ZNF708: variants seen among roughly 807,000 people sequenced by gnomAD.
ZNF708 encodes ZNF15, ZNF15L1.
A neutral mutation model predicts 47.0 loss-of-function variants in ZNF708; 44 were observed. The observed-to-expected ratio is 0.94, with a 90% CI of 0.74 to 1.20. The LOEUF (loss-of-function observed/expected upper bound fraction) is 1.20. ZNF708 is among the 50% of genes most tolerant of loss of function. ZNF708 has a pLI of 0.00. For synonymous variants in ZNF708, 184 were observed against 218.5 expected (o/e 0.84, Z 1.39); for missense variants, 557 against 656.0 (o/e 0.85, Z 1.65).
rs1288669411 is a variant in ZNF708 at position 21,291,204 on chromosome 19, AT to A, written c.*2069del. On this transcript the variant is annotated 3_prime_UTR_variant, in exon 4 of 4. Transcript: ENST00000356929. ...TGCATTTTATTACATAAAAGTACAA[AT>A]AGTAAAATAACGTACTAATTTTTTA... 1.6e-5 allele frequency: 1 copy of A among 61,064 alleles called. No individual in the cohort carries two copies. Among genetic ancestry groups the A allele is most frequent in the Non-Finnish European group, 3.7e-5 (1 of 27,264 alleles). The allele number at this position is 61,064 out of a possible 1,614,324, so 3.8% of individuals were successfully genotyped here.
At chr19:21,324,104 C>T (rs1463137920) in intron 1 of ZNF708, among the ~76,000 whole-genome samples, 2 of 149,596 alleles carry the variant, frequency 1.3e-5, no homozygotes, top group African/African-American at 2.5e-5. Flanking sequence ...ATTAGTCGGG[C>T]GTGGTGGCGG....
intron 3 of ZNF708, among the ~76,000 whole-genome samples, chr19:21,303,837 T>G (rs1972706197): frequency 6.6e-6 from 1 of 151,794 alleles, no homozygotes; most frequent in Non-Finnish European, 1.5e-5. Context: ...AATAATAAAA[T>G]AGGTCAATTT....
At chr19:21,304,910 T>C (rs1401427737) in intron 3 of ZNF708, among the ~76,000 whole-genome samples, 1 of 152,054 alleles carries the variant, frequency 6.6e-6, no homozygotes, top group African/African-American at 2.4e-5. Context: ...ACCAAAAGTA[T>C]ACACTATGTT....
intron 3 of ZNF708, among the ~76,000 whole-genome samples, chr19:21,297,270 A>ATATATATATATATTT (rs1568345563): frequency 2.1e-5 from 1 of 46,678 alleles, no homozygotes; most frequent in East Asian, 8.3e-4. Context: ...ATATATATAT[A>ATATATATATATATTT]TTTTTTTTTT....
chr19:21,308,361 C>A (rs905933271), intron 3 of ZNF708, among the ~76,000 whole-genome samples: 9 of 151,300 alleles, frequency 5.9e-5, no homozygotes, highest in African/African-American at 1.7e-4. Flanking sequence ...CTCACAGCAA[C>A]CTCTGCCTCC....
chr19:21,302,088 T>A (rs1263298240), intron 3 of ZNF708, among the ~76,000 whole-genome samples: 1 of 152,046 alleles, frequency 6.6e-6, no homozygotes, highest in Non-Finnish European at 1.5e-5. Flanking sequence ...ATAGTGAGAC[T>A]CTGCATATAA....
chr19:21,295,128 C>G (rs1599667151), intron 3 of ZNF708, among the ~76,000 whole-genome samples: 1 of 148,852 alleles, frequency 6.7e-6, no homozygotes, highest in East Asian at 2.0e-4. Flanking sequence ...ATTTCTGGCT[C>G]TTAGGGGCCT....
intron 2 of ZNF708, 90 bp downstream of exon 2, chr19:21,310,411 C>T: frequency 1.6e-6 from 1 of 621,796 alleles, no homozygotes; most frequent in Non-Finnish European, 2.1e-6. Context: ...CGCCACTGCA[C>T]TCCAGCCTGG....
chr19:21,325,329 T>C (rs1395297634), intron 1 of ZNF708, among the ~76,000 whole-genome samples: 1 of 152,126 alleles, frequency 6.6e-6, no homozygotes, highest in Non-Finnish European at 1.5e-5. Flanking sequence ...TATAAGGCCA[T>C]AGTCACCAAA....
chr19:21,309,165 A>T (rs1009964048), intron 3 of ZNF708, 81 bp downstream of exon 3: 137 of 1,320,036 alleles, frequency 1.0e-4, no homozygotes, highest in Admixed American at 3.5e-4. Flanking sequence ...ACAGATTTCC[A>T]AGTCAAATTT....
intron 3 of ZNF708, among the ~76,000 whole-genome samples, chr19:21,303,842 C>A (rs1031634930): frequency 6.6e-6 from 1 of 151,676 alleles, no homozygotes; most frequent in African/African-American, 2.4e-5. Flanking sequence ...TAAAATAGGT[C>A]AATTTACCAG....
intron 3 of ZNF708, among the ~76,000 whole-genome samples, chr19:21,302,627 A>G (rs1269502337): frequency 1.3e-5 from 2 of 152,110 alleles, no homozygotes; most frequent in Non-Finnish European, 2.9e-5. Flanking sequence ...TGAACCTGGG[A>G]GGTGGAGGTT....
chr19:21,296,743 T>C (rs941390872), intron 3 of ZNF708, among the ~76,000 whole-genome samples: 5 of 147,304 alleles, frequency 3.4e-5, no homozygotes, highest in Non-Finnish European at 7.6e-5. Context: ...CTTAGCATTT[T>C]AATAATCATG....
intron 3 of ZNF708, among the ~76,000 whole-genome samples, chr19:21,298,890 C>T (rs1382861312): frequency 1.3e-5 from 2 of 151,888 alleles, no homozygotes; most frequent in Middle Eastern, 3.2e-3. Context: ...TTGCAAACAG[C>T]AGAAAATATT....
At chr19:21,309,700 C>G (rs1972857430) in intron 2 of ZNF708, among the ~76,000 whole-genome samples, 1 of 151,894 alleles carries the variant, frequency 6.6e-6, no homozygotes, top group Non-Finnish European at 1.5e-5. Flanking sequence ...GAGCAAGACT[C>G]CGTCTCAGAA....
intron 1 of ZNF708, among the ~76,000 whole-genome samples, chr19:21,327,543 A>G (rs963145586): frequency 6.6e-6 from 1 of 151,276 alleles, no homozygotes; most frequent in Non-Finnish European, 1.5e-5. Context: ...AAAAAAAAAA[A>G]AAAAGAAAAG....
At chr19:21,294,775 C>A in intron 3 of ZNF708, 36 bp from the exon 4 acceptor site, 1 of 1,520,292 alleles carries the variant, frequency 6.6e-7, no homozygotes, top group Admixed American at 2.2e-5. Context: ...ATTCCATTTA[C>A]TCAACTCAGA....
Position 21,293,432 on chromosome 19 carries a change from C to T in ZNF708, c.1534G>A (p.Ala512Thr). 1 of 1,612,838 alleles carries T rather than the reference C, an allele frequency of 6.2e-7. No homozygotes were observed. Among genetic ancestry groups the T allele is most frequent in the Non-Finnish European group, 8.5e-7 (1 of 1,179,674 alleles). The change falls in exon 4 of 4, where the codon GCT (alanine) becomes ACT (threonine). Residue 512 changes from alanine (A) to threonine (T), a missense_variant. Physicochemically the swap from Ala to Thr is moderately conservative, Grantham distance 58. Coordinates refer to ENST00000356929, the MANE Select transcript of ZNF708 (RefSeq NM_021269.3). ...KPYKCKECGKAFNQSSTLMKH... is the reference protein window; with the variant it reads ...KPYKCKECGKTFNQSSTLMKH... The stretch of plus-strand genomic sequence containing the variant: ...ATAAGGGTTGAGGACTGGTTAAAAG[C>T]TTTGCCACATTCTTTACATTTGTAG...
In ZNF708 at chr19:21,329,325, C is replaced by G; in HGVS notation, c.-113G>C. 6.6e-7 allele frequency: 1 copy of G among 1,513,910 alleles called. No individual in the cohort carries two copies. Among genetic ancestry groups the G allele is most frequent in the Admixed American group, 1.7e-5 (1 of 57,900 alleles). 93.8% of individuals were successfully genotyped at this position (1,513,910 alleles called of 1,614,324 possible). On this transcript the variant is annotated 5_prime_UTR_variant, in exon 1 of 4. Coordinates refer to ENST00000356929, the MANE Select transcript of ZNF708 (RefSeq NM_021269.3). Reference sequence around the variant, plus strand: ...AGCAGAGGACAAACAGCAGTGAAGACGAGACCGGAGCTCCGGCTGCAGCAA... The same window carrying G: ...AGCAGAGGACAAACAGCAGTGAAGAGGAGACCGGAGCTCCGGCTGCAGCAA...
Sources: allele counts gnomAD v4.1 joint callset (sites outside exome capture counted in the v4.1 genomes callset), GRCh38; gene constraint gnomAD v4.1.1; transcripts MANE v1.5; gene names NCBI Gene and HGNC (gene_info 2026-07-23, HGNC 2026-07-21).